The following NCKAP5 variants were observed in gnomAD, a reference collection of about 807,000 sequenced individuals.
The protein encoded by NCKAP5 is NCK associated protein 5, also known as nck-associated protein 5.
NCKAP5 carries 92 observed loss-of-function variants against 167.0 expected under a neutral mutation model. That is an observed-to-expected ratio of 0.55 (90% CI 0.47 to 0.66). The LOEUF (loss-of-function observed/expected upper bound fraction) is 0.66, where lower values mean the gene tolerates loss of function less well. Ranked by LOEUF, NCKAP5 falls within the 30% of genes least tolerant of loss-of-function variation. The pLI is 0.00. For synonymous variants in NCKAP5, 891 were observed against 877.4 expected (o/e 1.02, Z -0.27); for missense variants, 2,378 against 2,315.0 (o/e 1.03, Z -0.56).
At chr2:133,605,306 A>G in the NCKAP5 span, among the ~76,000 whole-genome samples, 3 of 152,164 alleles carry the variant, frequency 2.0e-5, no homozygotes, top group Admixed American at 6.5e-5. Flanking sequence ...TTAAGTGTGA[A>G]AATCCTTGAT....
In NCKAP5 at chr2:132,719,488, G is replaced by A. The variant is rs1689704444; in HGVS notation, c.5713+6139C>T. ...GAGAGATACATGTACCTAGGAGAGT[G>A]GACTGTGTGGGTGATGGACAACCCT... On this transcript the variant is annotated intron_variant, in intron 19 of 19. Coordinates refer to ENST00000409261, the MANE Select transcript of NCKAP5 (RefSeq NM_207363.3). Among the ~76,000 whole-genome samples, 2 of 152,218 alleles carry A rather than the reference G, an allele frequency of 1.3e-5. 1 individual carries two copies. Among genetic ancestry groups the A allele is most frequent in the Admixed American group, 1.3e-4 (2 of 15,290 alleles).
intron 3 of NCKAP5, among the ~76,000 whole-genome samples, chr2:133,398,205 A>T (rs1687876754): frequency 1.3e-5 from 2 of 152,276 alleles, no homozygotes; most frequent in South Asian, 4.1e-4. Context: ...TAGAAGATCA[A>T]CTCAAACTCA....
chr2:133,424,654 C>T (rs1689680285), intron 3 of NCKAP5, among the ~76,000 whole-genome samples: 1 of 152,152 alleles, frequency 6.6e-6, no homozygotes, highest in South Asian at 2.1e-4. Flanking sequence ...ATTTTACTTG[C>T]TACTTTGCCT....
intron 3 of NCKAP5, among the ~76,000 whole-genome samples, chr2:133,444,208 T>C (rs562311729): frequency 9.2e-5 from 14 of 152,296 alleles, no homozygotes; most frequent in African/African-American, 3.4e-4. Context: ...GAAGGACTGA[T>C]GTCCTCAAGT....
chr2:133,031,939 T>C (rs2078894210), intron 6 of NCKAP5, among the ~76,000 whole-genome samples: 1 of 152,116 alleles, frequency 6.6e-6, no homozygotes, highest in South Asian at 2.1e-4. Flanking sequence ...GAAAAGTCCC[T>C]GGGTCCTGAA....
In NCKAP5 at chr2:133,533,571, G is replaced by A. The variant is rs550318302; in HGVS notation, c.-61-15984C>T. ...CACAAAAAAACTAGGTACAGGAAAGGGGAAGGCAGCCTAATTTAATTTCCC... is the reference window on the plus strand; with the variant it reads ...CACAAAAAAACTAGGTACAGGAAAGAGGAAGGCAGCCTAATTTAATTTCCC... On this transcript the variant is annotated intron_variant, in intron 2 of 19. Coordinates refer to ENST00000409261, the MANE Select transcript of NCKAP5 (RefSeq NM_207363.3). 2.0e-5 allele frequency among the ~76,000 whole-genome samples: 3 copies of A among 152,254 alleles called. No individual in the cohort carries two copies. The South Asian group carries it at 6.2e-4, about 32-fold the overall frequency.
In NCKAP5 at chr2:133,158,196, A is replaced by G. The variant is rs1384287497; in HGVS notation, c.208-28085T>C. On this transcript the variant is annotated intron_variant, in intron 5 of 19. Coordinates refer to ENST00000409261, the MANE Select transcript of NCKAP5 (RefSeq NM_207363.3). ...GGAGGTTTTCACTGGAATCTATTTG[A>G]GGCAAGTGCTGAGTATATTTGCTGT... is the stretch of plus-strand genomic sequence containing the variant. Among the ~76,000 whole-genome samples, 8 of 152,278 alleles carry G rather than the reference A, an allele frequency of 5.3e-5. No individual in the cohort carries two copies. In the East Asian group the frequency reaches 1.5e-3, roughly 29 times the overall value.
At chr2:132,967,061 A>C (rs1338640120) in intron 7 of NCKAP5, among the ~76,000 whole-genome samples, 1 of 152,044 alleles carries the variant, frequency 6.6e-6, no homozygotes, top group African/African-American at 2.4e-5. Context: ...ATGACCACAA[A>C]AGTGACACAA....
At chr2:133,089,256 T>C (rs2081094202) in intron 6 of NCKAP5, among the ~76,000 whole-genome samples, 1 of 152,226 alleles carries the variant, frequency 6.6e-6, no homozygotes, top group African/African-American at 2.4e-5. Context: ...TAGTGGGCCA[T>C]TGCACATAAA....
intron 5 of NCKAP5, among the ~76,000 whole-genome samples, chr2:133,188,694 TAATGA>T (rs1306437370): frequency 5.3e-5 from 8 of 152,088 alleles, no homozygotes; most frequent in Admixed American, 5.2e-4. Flanking sequence ...ACTGGGTACG[TAATGA>T]AATGAAGGCA....
chr2:132,732,369 G>A (rs535146294), intron 16 of NCKAP5, among the ~76,000 whole-genome samples: 1 of 152,188 alleles, frequency 6.6e-6, no homozygotes, highest in African/African-American at 2.4e-5. Flanking sequence ...CACCAACATG[G>A]CACATGTATA....
chr2:133,538,790 C>G (rs1685953972), intron 2 of NCKAP5, among the ~76,000 whole-genome samples: 2 of 151,960 alleles, frequency 1.3e-5, no homozygotes, highest in African/African-American at 4.8e-5. Flanking sequence ...TGCCTGGGGT[C>G]ACAGCTTACA....
intron 16 of NCKAP5, among the ~76,000 whole-genome samples, chr2:132,771,087 T>C (rs1167009633): frequency 2.3e-5 from 3 of 129,982 alleles, no homozygotes; most frequent in Non-Finnish European, 4.8e-5. Flanking sequence ...ACCCCTTCCA[T>C]TTAATAAAAA....
chr2:132,781,839 A>G (rs1365712709), intron 14 of NCKAP5, 101 bp downstream of exon 14: 12 of 1,140,456 alleles, frequency 1.1e-5, no homozygotes, highest in African/African-American at 1.6e-5. Flanking sequence ...CTGTATGAAA[A>G]AACATGCTTG....
At chr2:133,288,210 G>A (rs1679304754) in intron 4 of NCKAP5, among the ~76,000 whole-genome samples, 1 of 152,040 alleles carries the variant, frequency 6.6e-6, no homozygotes, top group African/African-American at 2.4e-5. Context: ...GTGACTTTTG[G>A]TACATTTTGA....
At chr2:133,548,137 GATGAAATGA>G (rs1206545892) in intron 2 of NCKAP5, among the ~76,000 whole-genome samples, 1 of 150,640 alleles carries the variant, frequency 6.6e-6, no homozygotes, top group African/African-American at 2.4e-5. Flanking sequence ...AGCAATGGAA[GATGAAATGA>G]ATGAAATGAA....
At chr2:133,122,130 T>C (rs2082269810) in intron 6 of NCKAP5, 1 of 152,184 alleles carries the variant, frequency 6.6e-6, no homozygotes, top group African/African-American at 2.4e-5. Context: ...CATGAAAATA[T>C]TCTGTATTTT....
At chr2:133,506,212 C>T (rs574303299) in intron 3 of NCKAP5, among the ~76,000 whole-genome samples, 25 of 152,194 alleles carry the variant, frequency 1.6e-4, no homozygotes, top group Non-Finnish European at 3.4e-4. Flanking sequence ...GAAGGTGCCA[C>T]ATCAAATTGT....
chr2:132,791,162 C>T (rs192788617), intron 12 of NCKAP5, among the ~76,000 whole-genome samples: 2 of 152,202 alleles, frequency 1.3e-5, no homozygotes, highest in South Asian at 4.1e-4. Flanking sequence ...ACACTTTCCT[C>T]TGGTTCTGAT....
Sources: allele counts gnomAD v4.1 joint callset (sites outside exome capture counted in the v4.1 genomes callset), GRCh38; gene constraint gnomAD v4.1.1; transcripts MANE v1.5; gene names NCBI Gene and HGNC (gene_info 2026-07-23, HGNC 2026-07-21).